MSN: variants seen among roughly 807,000 people sequenced by gnomAD.
MSN encodes the protein moesin, also known as epididymis luminal protein 70.
A neutral mutation model predicts 48.0 loss-of-function variants in MSN; 2 were observed. The observed-to-expected ratio is 0.04, with a 90% CI of 0.02 to 0.13. The LOEUF is 0.13. MSN is among the 10% of genes least tolerant of loss of function. The probability of loss-of-function intolerance (pLI) is 1.00; values close to 1 mark genes in which losing one functional copy is unlikely to be tolerated. For synonymous variants in MSN, 146 were observed against 166.9 expected, an observed-to-expected ratio of 0.87 and a Z score of 0.97; for missense variants, 267 against 470.1, an observed-to-expected ratio of 0.57 and a Z score of 3.99.
At chrX:65,601,015 G>T (rs768166960) in intron 1 of MSN, among the ~76,000 whole-genome samples, 8 of 111,927 alleles carry the variant, frequency 7.1e-5, no homozygotes, top group Non-Finnish European at 1.3e-4. Context: ...AATTATAGCT[G>T]TCTAAGCCAA....
intron 1 of MSN, among the ~76,000 whole-genome samples, chrX:65,603,337 TA>T (rs1225660238): frequency 9.0e-6 from 1 of 111,556 alleles, no homozygotes; most frequent in Admixed American, 9.6e-5. Flanking sequence ...GAACCACAAC[TA>T]AAACACTTTA....
At chrX:65,624,952 T>A (rs887982680) in intron 1 of MSN, 1 of 111,830 alleles carries the variant, frequency 8.9e-6, no homozygotes, top group Non-Finnish European at 1.9e-5. Context: ...ATCAGTGTCT[T>A]CACTTTATTC....
At chrX:65,673,996 T>C (rs913370666) in intron 1 of MSN, among the ~76,000 whole-genome samples, 5 of 111,184 alleles carry the variant, frequency 4.5e-5, no homozygotes, top group Admixed American at 9.6e-5. Context: ...GTTATGGCCA[T>C]GGGAAGAGCA....
At chrX:65,616,165 C>G (rs1341978917) in intron 1 of MSN, among the ~76,000 whole-genome samples, 5 of 111,384 alleles carry the variant, frequency 4.5e-5, no homozygotes, top group Non-Finnish European at 9.4e-5. Flanking sequence ...GTTCTTTTGG[C>G]TTAGGATTGC....
At chrX:65,728,227 T>G (rs2071586881) in intron 3 of MSN, among the ~76,000 whole-genome samples, 1 of 112,284 alleles carries the variant, frequency 8.9e-6, no homozygotes, top group South Asian at 3.7e-4. Flanking sequence ...CAAGAGAGGA[T>G]TGGTATCCCC....
chrX:65,702,311 CCTTTCAGTTGCT>C (rs1376162559), intron 1 of MSN, among the ~76,000 whole-genome samples: 1 of 107,797 alleles, frequency 9.3e-6, no homozygotes, highest in African/African-American at 3.4e-5. Flanking sequence ...CCGCACCCGG[CCTTTCAGTTGCT>C]CTTTACTTGC....
intron 1 of MSN, among the ~76,000 whole-genome samples, chrX:65,592,294 C>A (rs1479809464): frequency 1.0e-5 from 1 of 100,158 alleles, no homozygotes; most frequent in Non-Finnish European, 2.0e-5. Context: ...CTCCTATGTT[C>A]AAGCAATTCT....
intron 1 of MSN, among the ~76,000 whole-genome samples, chrX:65,613,389 C>A (rs1043663882): frequency 8.7e-6 from 1 of 114,943 alleles, no homozygotes; most frequent in Non-Finnish European, 1.9e-5. Flanking sequence ...GGGAATATAC[C>A]CAGTAATGGA....
chrX:65,704,423 C>T (rs975504830), intron 1 of MSN, among the ~76,000 whole-genome samples: 2 of 111,923 alleles, frequency 1.8e-5, no homozygotes, highest in East Asian at 2.8e-4. Context: ...TTGGCTATGC[C>T]TATTACTGGG....
chrX:65,677,755 C>A (rs764275281), intron 1 of MSN, among the ~76,000 whole-genome samples: 1 of 106,061 alleles, frequency 9.4e-6, no homozygotes, highest in East Asian at 2.9e-4. Context: ...AAGACTCTGT[C>A]TAAAAAAAAA....
intron 1 of MSN, chrX:65,600,520 A>G (rs756205162): frequency 8.9e-6 from 1 of 112,148 alleles, no homozygotes; most frequent in East Asian, 2.8e-4. Flanking sequence ...TTGATTGACT[A>G]AAAGAGCTAT....
intron 1 of MSN, among the ~76,000 whole-genome samples, chrX:65,662,596 G>A: frequency 8.9e-6 from 1 of 112,526 alleles, no homozygotes; most frequent in Middle Eastern, 4.6e-3. Context: ...GCAGAAGAAT[G>A]AAACTAGACC....
At chrX:65,671,310 T>C (rs1464310393) in intron 1 of MSN, among the ~76,000 whole-genome samples, 3 of 110,451 alleles carry the variant, frequency 2.7e-5, no homozygotes, top group Non-Finnish European at 5.7e-5. Flanking sequence ...GTTTTAGCCA[T>C]AGATCAACAG....
intron 1 of MSN, among the ~76,000 whole-genome samples, chrX:65,638,012 G>A (rs1346509267): frequency 8.9e-6 from 1 of 112,110 alleles, no homozygotes; most frequent in Non-Finnish European, 1.9e-5. Context: ...TGATGGTAGT[G>A]ATTTTTCAGC....
At chrX:65,594,395 A>G (rs748984846) in intron 1 of MSN, among the ~76,000 whole-genome samples, 2 of 108,865 alleles carry the variant, frequency 1.8e-5, no homozygotes, top group East Asian at 5.9e-4. Flanking sequence ...GGCAGCAGCA[A>G]TGGTGGTAGT....
At chrX:65,598,773 C>G (rs2070206842) in intron 1 of MSN, among the ~76,000 whole-genome samples, 1 of 111,996 alleles carries the variant, frequency 8.9e-6, no homozygotes, top group South Asian at 3.7e-4. Flanking sequence ...AGTGCCAGCA[C>G]ATTGTCTGCT....
intron 1 of MSN, among the ~76,000 whole-genome samples, chrX:65,620,306 C>A (rs1360323943): frequency 1.8e-5 from 2 of 112,806 alleles, no homozygotes; most frequent in African/African-American, 6.4e-5. Context: ...CCTCCCCCAG[C>A]CTCGCTGCCG....
intron 1 of MSN, among the ~76,000 whole-genome samples, chrX:65,715,964 A>C (rs1235605729): frequency 8.9e-6 from 1 of 112,071 alleles, no homozygotes; most frequent in Non-Finnish European, 1.9e-5. Context: ...TTGTGGCTTT[A>C]TCAGATGGCT....
At chrX:65,675,772 G>T (rs1363307574) in intron 1 of MSN, among the ~76,000 whole-genome samples, 3 of 111,053 alleles carry the variant, frequency 2.7e-5, no homozygotes, top group African/African-American at 9.8e-5. Context: ...CAAATAGCTG[G>T]GATTACAGGC....
Sources: allele counts gnomAD v4.1 joint callset (sites outside exome capture counted in the v4.1 genomes callset), GRCh38; gene constraint gnomAD v4.1.1; transcripts MANE v1.5; gene names NCBI Gene and HGNC (gene_info 2026-07-23, HGNC 2026-07-21).